Variants in AIM2 observed in about 807,000 individuals in gnomAD.
The protein encoded by AIM2 is absent in melanoma 2.
AIM2 carries 30 observed loss-of-function variants against 27.7 expected under a neutral mutation model. That is an observed-to-expected ratio of 1.08 (90% CI 0.81 to 1.47). The LOEUF (loss-of-function observed/expected upper bound fraction) is 1.47. AIM2 is among the 40% of genes most tolerant of loss of function. The probability of loss-of-function intolerance (pLI) is 0.00; values close to 1 mark genes in which losing one functional copy is unlikely to be tolerated. For synonymous variants in AIM2, 141 were observed against 145.3 expected, an observed-to-expected ratio of 0.97 and a Z score of 0.21; for missense variants, 358 against 411.3, an observed-to-expected ratio of 0.87 and a Z score of 1.12.
At chr1:159,083,639 C>A (rs1350580816) in intron 1 of AIM2, among the ~76,000 whole-genome samples, 1 of 152,154 alleles carries the variant, frequency 6.6e-6, no homozygotes, top group Non-Finnish European at 1.5e-5. Context: ...AATACTCACC[C>A]AAGTATCTTC....
intron 1 of AIM2, among the ~76,000 whole-genome samples, chr1:159,090,553 C>T (rs1657021269): frequency 6.6e-6 from 1 of 152,178 alleles, no homozygotes; most frequent in Non-Finnish European, 1.5e-5. Flanking sequence ...TTGTTTCTAT[C>T]TCTAAATAAA....
At chr1:159,093,040 AAAATAAAT>A (rs57238902) in intron 1 of AIM2, among the ~76,000 whole-genome samples, 6 of 147,292 alleles carry the variant, frequency 4.1e-5, no homozygotes, top group Non-Finnish European at 9.0e-5. Context: ...TAAATAAATA[AAAATAAAT>A]AAATAAATAA....
At chr1:159,070,398 C>T (rs546963705) in intron 2 of AIM2, among the ~76,000 whole-genome samples, 2 of 152,238 alleles carry the variant, frequency 1.3e-5, no homozygotes, top group East Asian at 1.9e-4. Context: ...CTACAAAATG[C>T]AGTCGTATAC....
At chr1:159,067,912 C>A (rs192621488) in intron 3 of AIM2, among the ~76,000 whole-genome samples, 15 of 152,254 alleles carry the variant, frequency 9.9e-5, no homozygotes, top group Admixed American at 8.5e-4. Context: ...ACCAATGACA[C>A]TCTCCAGCCA....
chr1:159,063,378 A>T (rs1016604720), intron 5 of AIM2, 108 bp downstream of exon 5: 45 of 1,041,994 alleles, frequency 4.3e-5, no homozygotes, highest in Admixed American at 2.0e-4. Flanking sequence ...ACTAAATATC[A>T]ATGTCTTCCA....
rs1557889276 is a variant in AIM2 at position 159,062,667 on chromosome 1, G to T, written c.*25C>A. ...AATTAAATGCTGCTTAGACCAGTTG[G>T]CTTGAATTGGTCCTTTTTACTTCTC... On this transcript the variant is annotated 3_prime_UTR_variant, in exon 6 of 6. Transcript: ENST00000368130. 1.9e-6 allele frequency: 3 copies of T among 1,610,132 alleles called. No individual in the cohort carries two copies.
chr1:159,135,974 T>G (rs1218093808), intron 1 of AIM2, among the ~76,000 whole-genome samples: 1 of 152,202 alleles, frequency 6.6e-6, no homozygotes, highest in Admixed American at 6.5e-5. Context: ...TCCCAGGCTT[T>G]AAAGCCCGGC....
intron 1 of AIM2, among the ~76,000 whole-genome samples, chr1:159,136,778 A>G (rs879354321): frequency 1.3e-5 from 2 of 152,244 alleles, no homozygotes; most frequent in East Asian, 3.8e-4. Context: ...GAACATTTTT[A>G]CCATTAGGTA....
At chr1:159,111,096 A>G (rs1378523583) in intron 1 of AIM2, among the ~76,000 whole-genome samples, 1 of 152,198 alleles carries the variant, frequency 6.6e-6, no homozygotes, top group African/African-American at 2.4e-5. Context: ...AATCTTCTTC[A>G]TTAGACAAAA....
At chr1:159,143,680 C>T (rs2102061770), upstream of AIM2, among the ~76,000 whole-genome samples, 1 of 152,218 alleles carries the variant, frequency 6.6e-6, no homozygotes, top group South Asian at 2.1e-4. Flanking sequence ...TATCAGCCCC[C>T]TGAGTGACGT....
At chr1:159,141,859 C>T (rs969416714), upstream of AIM2, among the ~76,000 whole-genome samples, 3 of 152,152 alleles carry the variant, frequency 2.0e-5, no homozygotes, top group African/African-American at 4.8e-5. Context: ...ACTCTGGGTC[C>T]GATGGTCCCC....
chr1:159,056,086 A>G, the AIM2 span, among the ~76,000 whole-genome samples: 2 of 152,312 alleles, frequency 1.3e-5, no homozygotes, highest in Admixed American at 6.5e-5. Flanking sequence ...AAACATGGGA[A>G]TCCTTATCAT....
At chr1:159,086,305 A>C (rs534517994) in intron 1 of AIM2, among the ~76,000 whole-genome samples, 6 of 152,338 alleles carry the variant, frequency 3.9e-5, no homozygotes, top group Admixed American at 2.6e-4. Flanking sequence ...CAGCTTCTGA[A>C]CCACCTATCT....
chr1:159,076,153 A>G (rs970691111), intron 1 of AIM2, among the ~76,000 whole-genome samples: 2 of 152,226 alleles, frequency 1.3e-5, no homozygotes, highest in South Asian at 2.1e-4. Context: ...TTGAATATCT[A>G]CTGTGACAAT....
intron 3 of AIM2, among the ~76,000 whole-genome samples, chr1:159,067,510 T>C (rs1423414713): frequency 6.6e-6 from 1 of 152,174 alleles, no homozygotes; most frequent in Non-Finnish European, 1.5e-5. Flanking sequence ...GGGGCCCTGA[T>C]GGGCAGCATA....
At chr1:159,123,106 T>C (rs1647584863) in intron 1 of AIM2, among the ~76,000 whole-genome samples, 1 of 152,090 alleles carries the variant, frequency 6.6e-6, no homozygotes, top group Non-Finnish European at 1.5e-5. Context: ...TATGCAGGAG[T>C]AAAGTCAACC....
rs764672919 is a variant in AIM2 at position 159,068,548 on chromosome 1, C to T, written c.396+20G>A. 8 of 1,594,484 alleles carry T rather than the reference C, an allele frequency of 5.0e-6. No individual in the cohort carries two copies. In the South Asian group the frequency reaches 9.1e-5, roughly 18 times the overall value. The stretch of plus-strand genomic sequence containing the variant: ...GATGCTCTTACAAGGACAAAGACCA[C>T]TCCACTCTCCTTATCCTACCTTAAC... On this transcript the variant is annotated intron_variant, in intron 3 of 5. Coordinates refer to ENST00000368130, the MANE Select transcript of AIM2 (RefSeq NM_004833.3).
chr1:159,068,490 A>T lies in AIM2; in HGVS notation c.396+78T>A. 3 of 1,509,054 alleles carry T rather than the reference A, an allele frequency of 2.0e-6. No individual in the cohort carries two copies. In the South Asian group the frequency reaches 4.1e-5, roughly 20 times the overall value. The allele number at this position is 1,509,054 out of a possible 1,614,324, so 93.5% of individuals were successfully genotyped here. ...TTATTTGCATGCTGTGAGATAAAGA[A>T]CAGAGAACAATATGGGAAGTGACAG... On this transcript the variant is annotated intron_variant, in intron 3 of 5. Coordinates refer to ENST00000368130, the MANE Select transcript of AIM2 (RefSeq NM_004833.3).
At chr1:159,117,396 G>T (rs367804933) in intron 1 of AIM2, among the ~76,000 whole-genome samples, 1 of 152,172 alleles carries the variant, frequency 6.6e-6, no homozygotes, top group South Asian at 2.1e-4. Context: ...AGACAGGGCA[G>T]AAGAGGTGGG....
Sources: allele counts gnomAD v4.1 joint callset (sites outside exome capture counted in the v4.1 genomes callset), GRCh38; gene constraint gnomAD v4.1.1; transcripts MANE v1.5; gene names NCBI Gene and HGNC (gene_info 2026-07-23, HGNC 2026-07-21).